RBFOX1: variants seen among roughly 807,000 people sequenced by gnomAD.
RBFOX1 encodes the protein RNA binding protein fox-1 homolog 1.
A neutral mutation model predicts 57.7 loss-of-function variants in RBFOX1; 8 were observed. That is an observed-to-expected ratio of 0.14 (90% CI 0.08 to 0.25). The LOEUF is 0.25. Ranked by LOEUF, RBFOX1 falls within the 10% of genes least tolerant of loss-of-function variation. RBFOX1 has a pLI of 1.00. For synonymous variants in RBFOX1, 326 were observed against 222.4 expected, an observed-to-expected ratio of 1.47 and a Z score of -4.15; for missense variants, 611 against 548.5, an observed-to-expected ratio of 1.11 and a Z score of -1.14.
At chr16:6,489,702 A>G (rs1171867709) in intron 2 of RBFOX1, among the ~76,000 whole-genome samples, 1 of 152,190 alleles carries the variant, frequency 6.6e-6, no homozygotes, top group East Asian at 1.9e-4. Flanking sequence ...TGTTTTTGAA[A>G]GAGCATGAGT....
intron 3 of RBFOX1, among the ~76,000 whole-genome samples, chr16:6,749,621 C>T (rs1162612494): frequency 1.3e-5 from 2 of 152,142 alleles, no homozygotes; most frequent in African/African-American, 2.4e-5. Context: ...ACCTCATATA[C>T]ATTCTTCATC....
chr16:7,085,208 C>G (rs150978583), intron 4 of RBFOX1, among the ~76,000 whole-genome samples: 21 of 152,242 alleles, frequency 1.4e-4, no homozygotes, highest in African/African-American at 4.8e-4. Flanking sequence ...GGTTATTCTA[C>G]TTGCCAAATA....
intron 4 of RBFOX1, among the ~76,000 whole-genome samples, chr16:5,915,558 G>A (rs572725934): frequency 9.2e-5 from 14 of 152,224 alleles, no homozygotes; most frequent in South Asian, 4.2e-4. Context: ...CAGGCTGGGC[G>A]CCGTGGCTCA....
In RBFOX1 at chr16:5,256,276, T is replaced by C. The variant is rs567395755; in HGVS notation, c.219+16171T>C. On this transcript the variant is annotated intron_variant, in intron 1 of 2. Transcript: ENST00000585867. ...TGTGACCGAGTTAGCCAGGGAAAAA[T>C]TGGGTCCTGGCACCCATGGCAGAGT... 4.6e-5 allele frequency among the ~76,000 whole-genome samples: 7 copies of C among 152,162 alleles called. No individual in the cohort carries two copies. The East Asian group carries it at 1.4e-3, about 29-fold the overall frequency.
At chr16:7,419,227 G>C (rs2098515497) in intron 4 of RBFOX1, among the ~76,000 whole-genome samples, 1 of 152,126 alleles carries the variant, frequency 6.6e-6, no homozygotes. Context: ...GCCAAGAGTT[G>C]TTTTTATCAT....
chr16:6,942,337 T>G (rs1024397615), intron 3 of RBFOX1, among the ~76,000 whole-genome samples: 4 of 152,074 alleles, frequency 2.6e-5, no homozygotes, highest in African/African-American at 9.7e-5. Context: ...TCAGCTAATT[T>G]TTTGATTTTT....
chr16:7,486,510 G>A (rs1214367168), intron 4 of RBFOX1, among the ~76,000 whole-genome samples: 2 of 151,926 alleles, frequency 1.3e-5, no homozygotes, highest in East Asian at 1.9e-4. Flanking sequence ...AACTTCTCTC[G>A]GTTTTATGTC....
At chr16:7,017,916 A>C (rs1221418978) in intron 3 of RBFOX1, among the ~76,000 whole-genome samples, 2 of 152,176 alleles carry the variant, frequency 1.3e-5, no homozygotes, top group Non-Finnish European at 2.9e-5. Context: ...CATTTACCAA[A>C]ATGCTATATT....
intron 4 of RBFOX1, among the ~76,000 whole-genome samples, chr16:7,464,846 G>A (rs2060218054): frequency 2.6e-5 from 4 of 151,426 alleles, no homozygotes; most frequent in African/African-American, 4.9e-5. Flanking sequence ...GCAGGCGCCC[G>A]CCACCACGCC....
intron 4 of RBFOX1, among the ~76,000 whole-genome samples, chr16:7,102,081 C>G (rs911045786): frequency 4.6e-5 from 7 of 152,156 alleles, no homozygotes; most frequent in African/African-American, 1.4e-4. Flanking sequence ...GGTGCTTTTT[C>G]TAACTCACAA....
intron 14 of RBFOX1, among the ~76,000 whole-genome samples, chr16:7,699,734 C>CT (rs143846992): frequency 0.021 from 3,134 of 148,610 alleles, 99 homozygotes; most frequent in African/African-American, 0.071. Context: ...ATGAGTTCAC[C>CT]TTTTTTTTTT....
At position 7,262,865 on chromosome 16, in the gene RBFOX1, C is replaced by G. The variant is rs989119970; in HGVS notation, c.27+210767C>G. ...TGGGGTGTCAGGATCATAGATAGGA[C>G]AAGAGAGAAAACTTGTGTTCTTATT... On this transcript the variant is annotated intron_variant, in intron 4 of 15. Coordinates refer to ENST00000550418, the MANE Select transcript of RBFOX1 (RefSeq NM_018723.4). Among the ~76,000 whole-genome samples, 17 of 152,318 alleles carry G rather than the reference C, an allele frequency of 1.1e-4. No individual in the cohort carries two copies. The East Asian group carries it at 1.7e-3, about 16-fold the overall frequency.
chr16:7,039,802 T>G (rs938159433), intron 3 of RBFOX1, among the ~76,000 whole-genome samples: 1 of 152,156 alleles, frequency 6.6e-6, no homozygotes, highest in Admixed American at 6.5e-5. Context: ...AACTCAGGTA[T>G]CTAATAAACA....
rs1468593525 is a variant in RBFOX1, at chr16:6,770,584, G to A, written c.-16+115934G>A. Among the ~76,000 whole-genome samples, 3 of 147,972 alleles carry A rather than the reference G, an allele frequency of 2.0e-5. No individual in the cohort carries two copies. In the East Asian group the frequency reaches 6.1e-4, roughly 30 times the overall value. ...CTAGGGAATCTCACAATTTCAAGGT[G>A]TTCCCTGTTCAATTTTTTTTTTTAA... is the stretch of plus-strand genomic sequence containing the variant. On this transcript the variant is annotated intron_variant, in intron 3 of 15. Coordinates refer to ENST00000550418, the MANE Select transcript of RBFOX1 (RefSeq NM_018723.4).
At chr16:7,338,188 C>G (rs1373598023) in intron 4 of RBFOX1, among the ~76,000 whole-genome samples, 3 of 152,062 alleles carry the variant, frequency 2.0e-5, no homozygotes, top group African/African-American at 7.2e-5. Context: ...TAACTGTTTT[C>G]CCTAATGCTC....
chr16:6,401,324 G>A (rs28429952), intron 2 of RBFOX1, among the ~76,000 whole-genome samples: 17,250 of 152,174 alleles, frequency 0.11, 1,515 homozygotes, highest in African/African-American at 0.24. Context: ...AAATGCATAA[G>A]TGTACACTGA....
intron 3 of RBFOX1, among the ~76,000 whole-genome samples, chr16:6,751,905 C>A (rs1176593306): frequency 6.6e-6 from 1 of 152,114 alleles, no homozygotes; most frequent in South Asian, 2.1e-4. Context: ...TATGAATTTT[C>A]CAGGGGTGCC....
chr16:5,648,078 T>A (rs1432698647), intron 3 of RBFOX1, among the ~76,000 whole-genome samples: 1 of 152,218 alleles, frequency 6.6e-6, no homozygotes, highest in African/African-American at 2.4e-5. Context: ...CAGGCTGTTC[T>A]CAAACTCCTT....
At chr16:5,603,290 C>A (rs768477700), downstream of RBFOX1, among the ~76,000 whole-genome samples, 1 of 152,218 alleles carries the variant, frequency 6.6e-6, no homozygotes, top group Non-Finnish European at 1.5e-5. Context: ...GTATCTTTCT[C>A]TACCCAGAGT....
Sources: allele counts gnomAD v4.1 joint callset (sites outside exome capture counted in the v4.1 genomes callset), GRCh38; gene constraint gnomAD v4.1.1; transcripts MANE v1.5; gene names NCBI Gene and HGNC (gene_info 2026-07-23, HGNC 2026-07-21).